NBEA: variants seen among roughly 807,000 people sequenced by gnomAD.
NBEA encodes lysosomal-trafficking regulator 2.
A neutral mutation model predicts 343.4 loss-of-function variants in NBEA; 44 were observed. The observed-to-expected ratio is 0.13, with a 90% confidence interval of 0.10 to 0.16. The LOEUF is 0.16. Ranked by LOEUF, NBEA falls within the 10% of genes least tolerant of loss-of-function variation. The pLI is 1.00. For synonymous variants in NBEA, 1,175 were observed against 1,238.7 expected, an observed-to-expected ratio of 0.95 and a Z score of 1.08; for missense variants, 2,555 against 3,631.3, an observed-to-expected ratio of 0.70 and a Z score of 7.62.
intron 10 of NBEA, among the ~76,000 whole-genome samples, chr13:35,091,208 C>A (rs900124006): frequency 7.9e-5 from 12 of 151,952 alleles, no homozygotes; most frequent in African/African-American, 2.9e-4. Context: ...CTTAATCTCT[C>A]TGCCTTTCTG....
intron 36 of NBEA, among the ~76,000 whole-genome samples, chr13:35,344,455 G>A (rs970977195): frequency 6.6e-6 from 1 of 151,702 alleles, no homozygotes; most frequent in African/African-American, 2.4e-5. Context: ...AAGATACAGT[G>A]GAGAAGATTA....
In NBEA at chr13:34,993,239, G is replaced by A. The variant is rs567325550; in HGVS notation, c.295-47694G>A. Among the ~76,000 whole-genome samples the A allele has an allele frequency of 3.6e-4, 55 of 152,120 alleles. 1 individual carries two copies. The highest frequency in any genetic ancestry group is 1.5e-3 in the South Asian group (7 of 4,812). ...TCTTTTCATCCTAATGATCTCAGCC[G>A]AAATATTATTTTTTCAGTTATTTCA... On this transcript the variant is annotated intron_variant, in intron 1 of 58. Coordinates refer to ENST00000379939, the MANE Select transcript of NBEA (RefSeq NM_001385012.1).
intron 39 of NBEA, among the ~76,000 whole-genome samples, chr13:35,442,631 T>A (rs1052984221): frequency 6.6e-6 from 1 of 152,188 alleles, no homozygotes; most frequent in Non-Finnish European, 1.5e-5. Context: ...CTTTTTTAAT[T>A]GCATTTCTCT....
chr13:35,667,656 T>G, intron 57 of NBEA, 86 bp downstream of exon 57: 1 of 1,249,870 alleles, frequency 8.0e-7, no homozygotes, highest in Non-Finnish European at 1.1e-6. Flanking sequence ...CATAATAGAA[T>G]GTCTGTGCTA....
At chr13:35,611,215 T>C (rs1376208773) in intron 48 of NBEA, among the ~76,000 whole-genome samples, 1 of 152,148 alleles carries the variant, frequency 6.6e-6, no homozygotes, top group Non-Finnish European at 1.5e-5. Context: ...TGAAAACTTA[T>C]ACAAGTACAT....
intron 45 of NBEA, among the ~76,000 whole-genome samples, chr13:35,569,608 T>G (rs2080300183): frequency 6.6e-6 from 1 of 152,232 alleles, no homozygotes; most frequent in South Asian, 2.1e-4. Context: ...ATGTGCTATA[T>G]GTCAAACACT....
intron 41 of NBEA, among the ~76,000 whole-genome samples, chr13:35,522,813 G>A (rs779849862): frequency 9.9e-5 from 15 of 152,198 alleles, no homozygotes; most frequent in South Asian, 4.2e-4. Flanking sequence ...CTGATGATCC[G>A]AGGTGGAACA....
chr13:35,113,114 C>G (rs1450987764), intron 13 of NBEA, among the ~76,000 whole-genome samples: 1 of 152,060 alleles, frequency 6.6e-6, no homozygotes, highest in Non-Finnish European at 1.5e-5. Flanking sequence ...ATTTCCTTGT[C>G]TTTCAGGACC....
intron 34 of NBEA, among the ~76,000 whole-genome samples, chr13:35,249,002 A>T (rs1349519881): frequency 6.6e-6 from 1 of 152,118 alleles, no homozygotes; most frequent in Non-Finnish European, 1.5e-5. Flanking sequence ...ATGCAAAATT[A>T]GCCGGGCATG....
rs974198960 is a variant in NBEA at position 35,354,969 on chromosome 13, C to G, written c.6179+2646C>G. On this transcript the variant is annotated intron_variant, in intron 38 of 58. Coordinates refer to ENST00000379939, the MANE Select transcript of NBEA (RefSeq NM_001385012.1). ...CTAATATTTTCTTCCAAACCAGTTT[C>G]TCTTATATTTTTCTCCATCTCAGCC... Among the ~76,000 whole-genome samples the G allele has an allele frequency of 5.3e-5, 8 of 152,082 alleles. No homozygotes were observed. In the East Asian group the frequency reaches 1.4e-3, roughly 26 times the overall value.
chr13:35,119,849 A>G (rs1285313572), intron 16 of NBEA, among the ~76,000 whole-genome samples: 10 of 152,336 alleles, frequency 6.6e-5, no homozygotes, highest in Non-Finnish European at 1.2e-4. Flanking sequence ...TTGGTCTCCC[A>G]AAGTGCTGGG....
intron 45 of NBEA, among the ~76,000 whole-genome samples, chr13:35,582,095 G>A (rs1372851161): frequency 1.3e-5 from 2 of 151,956 alleles, no homozygotes; most frequent in African/African-American, 4.8e-5. Flanking sequence ...GACCATCCTG[G>A]ATAACACAGT....
intron 38 of NBEA, among the ~76,000 whole-genome samples, chr13:35,388,798 T>C (rs775723542): frequency 5.3e-5 from 8 of 152,202 alleles, no homozygotes; most frequent in Admixed American, 6.6e-5. Context: ...AATGTAGTTG[T>C]TTCTGCCTTG....
intron 2 of NBEA, among the ~76,000 whole-genome samples, chr13:35,043,732 A>G (rs1263189940): frequency 6.6e-6 from 1 of 151,950 alleles, no homozygotes; most frequent in Non-Finnish European, 1.5e-5. Context: ...GATGAAGATA[A>G]GCATACTAAG....
At chr13:35,569,735 A>G (rs2080306204) in intron 45 of NBEA, among the ~76,000 whole-genome samples, 1 of 152,216 alleles carries the variant, frequency 6.6e-6, no homozygotes, top group Admixed American at 6.5e-5. Context: ...ATGAGAGGCC[A>G]GCATTTACAA....
intron 40 of NBEA, among the ~76,000 whole-genome samples, chr13:35,468,191 T>A (rs962115241): frequency 7.2e-6 from 1 of 139,434 alleles, no homozygotes; most frequent in Non-Finnish European, 1.5e-5. Context: ...CTCTGGGAAC[T>A]GGCCTGCCTA....
intron 36 of NBEA, among the ~76,000 whole-genome samples, chr13:35,338,437 G>C (rs2039395527): frequency 6.6e-6 from 1 of 152,030 alleles, no homozygotes; most frequent in Non-Finnish European, 1.5e-5. Context: ...GAGTATTGCT[G>C]TAACAGTAAG....
At chr13:35,542,305 C>T (rs1043588617) in intron 41 of NBEA, among the ~76,000 whole-genome samples, 3 of 152,124 alleles carry the variant, frequency 2.0e-5, no homozygotes, top group African/African-American at 7.2e-5. Flanking sequence ...TTTCCAGCTT[C>T]ATTTCTTGAT....
intron 26 of NBEA, among the ~76,000 whole-genome samples, chr13:35,172,149 G>A (rs1593601161): frequency 6.6e-6 from 1 of 152,120 alleles, no homozygotes; most frequent in East Asian, 1.9e-4. Context: ...GGACGTTCCT[G>A]ATATGTACTG....
Sources: allele counts gnomAD v4.1 joint callset (sites outside exome capture counted in the v4.1 genomes callset), GRCh38; gene constraint gnomAD v4.1.1; transcripts MANE v1.5; gene names NCBI Gene and HGNC (gene_info 2026-07-23, HGNC 2026-07-21).